The following MIPEP variants were observed in gnomAD, a reference collection of about 807,000 sequenced individuals.
The protein encoded by MIPEP is mitochondrial intermediate peptidase.
Under a neutral mutation model 90.3 loss-of-function variants are expected in MIPEP, and 79 were observed. The observed-to-expected ratio is 0.87, with a 90% CI of 0.73 to 1.05. The LOEUF is 1.05. Ranked by LOEUF, MIPEP falls within the 50% of genes least tolerant of loss-of-function variation. The pLI is 0.00. For synonymous variants in MIPEP, 334 were observed against 315.8 expected (o/e 1.06, Z -0.61); for missense variants, 940 against 905.6 (o/e 1.04, Z -0.49).
At chr13:23,827,890 C>T (rs1475478934) in intron 14 of MIPEP, among the ~76,000 whole-genome samples, 1 of 152,136 alleles carries the variant, frequency 6.6e-6, no homozygotes, top group East Asian at 1.9e-4. Context: ...GAGACTGCAC[C>T]ACTGCACTCC....
At chr13:23,836,442 G>T in intron 13 of MIPEP, 93 bp from the exon 14 acceptor site, 1 of 566,064 alleles carries the variant, frequency 1.8e-6, no homozygotes, top group Non-Finnish European at 2.9e-6. Context: ...TTGTACTTCT[G>T]ATGAACTGTA....
At chr13:23,827,837 G>A (rs954159713) in intron 14 of MIPEP, among the ~76,000 whole-genome samples, 18 of 152,046 alleles carry the variant, frequency 1.2e-4, no homozygotes, top group African/African-American at 2.7e-4. Context: ...AGGCTGAGGC[G>A]GGAGAATCAC....
intron 10 of MIPEP, among the ~76,000 whole-genome samples, chr13:23,850,706 C>CTGGG (rs1371291254): frequency 6.6e-6 from 1 of 152,214 alleles, no homozygotes; most frequent in East Asian, 1.9e-4. Context: ...GCCATAGAGG[C>CTGGG]TGGGGCCAAA....
At chr13:23,823,068 G>T (rs7325686) in intron 14 of MIPEP, among the ~76,000 whole-genome samples, 1 of 152,054 alleles carries the variant, frequency 6.6e-6, no homozygotes, top group African/African-American at 2.4e-5. Context: ...ATTGTGTGTT[G>T]AAGTTTTAGA....
At chr13:23,758,124 C>T (rs924428655) in intron 17 of MIPEP, among the ~76,000 whole-genome samples, 3 of 152,158 alleles carry the variant, frequency 2.0e-5, no homozygotes, top group Non-Finnish European at 2.9e-5. Context: ...TGAGGTGGCG[C>T]CTCCCCTCAG....
intron 4 of MIPEP, among the ~76,000 whole-genome samples, chr13:23,877,649 G>A (rs959067973): frequency 5.9e-5 from 9 of 152,146 alleles, no homozygotes; most frequent in African/African-American, 1.9e-4. Flanking sequence ...GTATTTCAAG[G>A]ACTGAATCTA....
intron 1 of MIPEP, among the ~76,000 whole-genome samples, chr13:23,887,753 C>A (rs1252347065): frequency 3.3e-5 from 5 of 152,140 alleles, no homozygotes; most frequent in African/African-American, 1.2e-4. Flanking sequence ...AACAGGTAAA[C>A]CTTCAGGCCT....
intron 16 of MIPEP, among the ~76,000 whole-genome samples, chr13:23,794,203 T>C (rs1210800063): frequency 6.6e-6 from 1 of 152,106 alleles, no homozygotes; most frequent in Non-Finnish European, 1.5e-5. Flanking sequence ...CCGAGGTAAT[T>C]CATCTTCAAA....
chr13:23,845,129 G>A (rs1869475672), intron 10 of MIPEP, among the ~76,000 whole-genome samples: 1 of 151,678 alleles, frequency 6.6e-6, no homozygotes, highest in African/African-American at 2.4e-5. Context: ...ACACTATCTC[G>A]CAATTTTATT....
rs369454737 is a variant in MIPEP, at chr13:23,769,128, G to A, written c.1849-8911C>T. Among the ~76,000 whole-genome samples the A allele has an allele frequency of 7.9e-5, 12 of 152,168 alleles. 1 individual carries two copies. The highest frequency in any genetic ancestry group is 5.8e-4 in the East Asian group (3 of 5,184). ...TGCTGAGAAAATGGTAAATTGCCCCGTCATTCTAAAGGAACCCATGCTAAC... is the reference window on the plus strand; with the variant it reads ...TGCTGAGAAAATGGTAAATTGCCCCATCATTCTAAAGGAACCCATGCTAAC... On this transcript the variant is annotated intron_variant, in intron 16 of 18. Coordinates refer to ENST00000382172, the MANE Select transcript of MIPEP (RefSeq NM_005932.4).
chr13:23,822,808 T>G (rs1185386026), intron 14 of MIPEP, among the ~76,000 whole-genome samples: 2 of 152,158 alleles, frequency 1.3e-5, no homozygotes, highest in African/African-American at 2.4e-5. Context: ...TTTTTTTTTT[T>G]TCCTAAATAT....
chr13:23,777,353 G>T (rs943320385), intron 16 of MIPEP, among the ~76,000 whole-genome samples: 16 of 152,146 alleles, frequency 1.1e-4, no homozygotes, highest in African/African-American at 3.6e-4. Flanking sequence ...AGAACAAAAG[G>T]AGTCATAGGT....
At chr13:23,776,710 G>A (rs547764608) in intron 16 of MIPEP, among the ~76,000 whole-genome samples, 15 of 152,086 alleles carry the variant, frequency 9.9e-5, no homozygotes, top group Non-Finnish European at 1.3e-4. Flanking sequence ...AAAGAAAGTA[G>A]AATAAGCAAA....
In MIPEP at chr13:23,779,977, G is replaced by A. The variant is rs189042806; in HGVS notation, c.1849-19760C>T. On this transcript the variant is annotated intron_variant, in intron 16 of 18. Coordinates refer to ENST00000382172, the MANE Select transcript of MIPEP (RefSeq NM_005932.4). ...GTGGCCAGGAAGCTGGAACTGGGTG[G>A]AGCCCACCTCAGCTCAAGGAGGCCT... Among the ~76,000 whole-genome samples the A allele has an allele frequency of 4.0e-4, 61 of 152,320 alleles. No homozygotes were observed. In the East Asian group the frequency reaches 0.011, roughly 28 times the overall value.
At chr13:23,847,279 C>T (rs1240412965) in intron 10 of MIPEP, among the ~76,000 whole-genome samples, 3 of 152,052 alleles carry the variant, frequency 2.0e-5, no homozygotes, top group African/African-American at 4.8e-5. Flanking sequence ...TTGACTCCTA[C>T]GGCAGCCTAA....
intron 3 of MIPEP, among the ~76,000 whole-genome samples, chr13:23,879,915 A>G (rs1227217973): frequency 6.6e-6 from 1 of 152,074 alleles, no homozygotes. Context: ...CCATCCAGAG[A>G]GCAAAGGGCC....
chr13:23,738,144 AAAAC>A (rs970752898), intron 18 of MIPEP, among the ~76,000 whole-genome samples: 21 of 152,320 alleles, frequency 1.4e-4, no homozygotes, highest in South Asian at 6.2e-4. Context: ...TCAGGAAGGC[AAAAC>A]AAACAAACAA....
At chr13:23,757,916 T>C (rs1399118679) in intron 17 of MIPEP, among the ~76,000 whole-genome samples, 1 of 152,228 alleles carries the variant, frequency 6.6e-6, no homozygotes, top group Non-Finnish European at 1.5e-5. Flanking sequence ...CTACATACTA[T>C]GATGAGACAG....
intron 14 of MIPEP, among the ~76,000 whole-genome samples, chr13:23,827,930 C>CA (rs2137438765): frequency 3.3e-5 from 5 of 151,994 alleles, no homozygotes; most frequent in East Asian, 1.9e-4. Context: ...GACTCTGTCT[C>CA]AAAAAAATAA....
Sources: allele counts gnomAD v4.1 joint callset (sites outside exome capture counted in the v4.1 genomes callset), GRCh38; gene constraint gnomAD v4.1.1; transcripts MANE v1.5; gene names NCBI Gene and HGNC (gene_info 2026-07-23, HGNC 2026-07-21).